Variants in ALG12 observed in about 807,000 individuals in gnomAD.
ALG12 encodes the protein ALG12 alpha-1,6-mannosyltransferase.
ALG12 carries 36 observed loss-of-function variants against 46.0 expected under a neutral mutation model. The ratio of observed to expected loss-of-function variants is 0.78; its 90% CI spans 0.60 to 1.03. The LOEUF is 1.03. ALG12 is among the 50% of genes least tolerant of loss of function. The probability of loss-of-function intolerance (pLI) is 0.00; values close to 1 mark genes in which losing one functional copy is unlikely to be tolerated. For missense variants in ALG12, 599 were observed against 633.5 expected, an observed-to-expected ratio of 0.95 and a Z score of 0.58; for synonymous variants, 326 against 291.6, an observed-to-expected ratio of 1.12 and a Z score of -1.20.
the ALG12 span, among the ~76,000 whole-genome samples, chr22:49,876,074 T>G: frequency 3.5e-3 from 536 of 152,370 alleles, 6 homozygotes; most frequent in African/African-American, 0.012. Context: ...GTTATTTATT[T>G]GAAAATAGTT....
the ALG12 span, among the ~76,000 whole-genome samples, chr22:49,893,275 C>G: frequency 6.6e-6 from 1 of 152,144 alleles, no homozygotes; most frequent in Non-Finnish European, 1.5e-5. Context: ...TGAGGACTTT[C>G]CAGAACTGTT....
chr22:49,875,944 C>CTT, the ALG12 span, among the ~76,000 whole-genome samples: 78 of 146,766 alleles, frequency 5.3e-4, no homozygotes, highest in Non-Finnish European at 6.3e-4. Context: ...GATTTTTTTT[C>CTT]TTTTTTTTTT....
the ALG12 span, among the ~76,000 whole-genome samples, chr22:49,866,573 C>T: frequency 6.6e-6 from 1 of 151,954 alleles, no homozygotes. Flanking sequence ...TATGTTGTTT[C>T]TTTATATCAT....
At chr22:49,887,110 A>C in the ALG12 span, 1 of 1,613,146 alleles carries the variant, frequency 6.2e-7, no homozygotes, top group African/African-American at 1.3e-5. Context: ...ATCCAGGCTC[A>C]TGATGGAACA....
the ALG12 span, among the ~76,000 whole-genome samples, chr22:49,861,105 C>G: frequency 6.6e-6 from 1 of 152,158 alleles, no homozygotes; most frequent in African/African-American, 2.4e-5. Flanking sequence ...CTGCTACGTC[C>G]TGTAAAAGTA....
chr22:49,913,839 G>A lies in ALG12; in HGVS notation c.-74C>T, dbSNP rs182520339. On this transcript the variant is annotated 5_prime_UTR_variant, in exon 2 of 10. Coordinates refer to ENST00000330817, the MANE Select transcript of ALG12 (RefSeq NM_024105.4). Reference sequence around the variant, plus strand: ...CCAGCCGTTAGCACTGCCACTCCACGCATGCTGGAAAAGTGGAAACAGATT... The same window carrying A: ...CCAGCCGTTAGCACTGCCACTCCACACATGCTGGAAAAGTGGAAACAGATT... 196 of 1,582,800 alleles carry A rather than the reference G, an allele frequency of 1.2e-4. 1 individual carries two copies. The highest frequency in any genetic ancestry group is 2.2e-4 in the Middle Eastern group (1 of 4,556).
intron 3 of ALG12, among the ~76,000 whole-genome samples, chr22:49,912,917 A>T (rs1244412509): frequency 1.3e-5 from 2 of 148,878 alleles, no homozygotes; most frequent in Non-Finnish European, 3.0e-5. Context: ...AAACGTTCTA[A>T]TTTTTTTTTT....
chr22:49,899,034 G>A (rs1000386793), downstream of ALG12, among the ~76,000 whole-genome samples: 1 of 152,030 alleles, frequency 6.6e-6, no homozygotes, highest in Non-Finnish European at 1.5e-5. Context: ...TCACACCTGC[G>A]ATTCCAGCAC....
intron 1 of ALG12, among the ~76,000 whole-genome samples, chr22:49,915,877 G>A (rs971936503): frequency 3.3e-5 from 5 of 152,152 alleles, no homozygotes; most frequent in Non-Finnish European, 2.9e-5. Context: ...AAAGCCTGCC[G>A]CACAGTAGGC....
intron 5 of ALG12, 92 bp downstream of exon 5, chr22:49,909,802 A>C: frequency 1.3e-6 from 2 of 1,521,238 alleles, no homozygotes; most frequent in Non-Finnish European, 9.1e-7. Context: ...ATTTTATTTC[A>C]TGGGGATGAA....
At chr22:49,877,132 A>G in the ALG12 span, among the ~76,000 whole-genome samples, 1 of 152,156 alleles carries the variant, frequency 6.6e-6, no homozygotes, top group African/African-American at 2.4e-5. Context: ...TTTTTTTCCT[A>G]AACGAGAAAA....
intron 6 of ALG12, 46 bp from the exon 7 acceptor site, chr22:49,907,990 C>T: frequency 6.3e-7 from 1 of 1,584,770 alleles, no homozygotes; most frequent in Non-Finnish European, 8.6e-7. Flanking sequence ...ACGCATGAGC[C>T]CGTGGGCTAG....
At chr22:49,859,364 A>G in the ALG12 span, among the ~76,000 whole-genome samples, 7 of 152,270 alleles carry the variant, frequency 4.6e-5, no homozygotes, top group East Asian at 1.9e-4. Flanking sequence ...ATAATCTAGT[A>G]AAGCCTTTTG....
the ALG12 span, among the ~76,000 whole-genome samples, chr22:49,891,159 C>G: frequency 1.6e-4 from 24 of 152,338 alleles, 2 homozygotes; most frequent in South Asian, 1.9e-3. Context: ...GCCACTTCTA[C>G]CTCTTGGTAG....
At chr22:49,859,447 C>T in the ALG12 span, among the ~76,000 whole-genome samples, 7 of 152,084 alleles carry the variant, frequency 4.6e-5, no homozygotes, top group Admixed American at 1.3e-4. Context: ...GTGTCCTTTT[C>T]ACTCCATACG....
the ALG12 span, among the ~76,000 whole-genome samples, chr22:49,864,531 T>C: frequency 9.7e-3 from 1,480 of 152,124 alleles, 16 homozygotes; most frequent in South Asian, 0.068. Flanking sequence ...AATACCTGAT[T>C]GGAGCCTGGG....
chr22:49,862,693 CTTTTTTTTTT>C, the ALG12 span, among the ~76,000 whole-genome samples: 3 of 58,990 alleles, frequency 5.1e-5, no homozygotes, highest in South Asian at 7.1e-4. Context: ...TAAGTTTTTC[CTTTTTTTTTT>C]TTTTTTTTTT....
chr22:49,908,526 CAA>C (rs11432710), intron 6 of ALG12, among the ~76,000 whole-genome samples: 11 of 55,012 alleles, frequency 2.0e-4, no homozygotes, highest in Admixed American at 7.3e-4. Context: ...GACTCTGTCT[CAA>C]AAAAAAAAAA....
intron 7 of ALG12, 105 bp downstream of exon 7, chr22:49,907,616 C>A (rs950664205): frequency 7.7e-7 from 1 of 1,303,056 alleles, no homozygotes; most frequent in South Asian, 1.3e-5. Context: ...CAGAGCAAGA[C>A]CCTGTTTCAA....
Sources: gnomAD v4.1 joint callset for allele counts (sites outside exome capture counted in the v4.1 genomes callset) on GRCh38, gnomAD v4.1.1 for gene constraint, MANE v1.5 for transcripts, NCBI Gene and HGNC (gene_info 2026-07-23, HGNC 2026-07-21) for gene names.